The following TRMT11 variants were observed in gnomAD, a reference collection of about 807,000 sequenced individuals.
The protein encoded by TRMT11 is tRNA methyltransferase 11.
Under a neutral mutation model 62.8 loss-of-function variants are expected in TRMT11, and 53 were observed. The ratio of observed to expected loss-of-function variants is 0.84; its 90% confidence interval spans 0.68 to 1.06. The LOEUF is 1.06. Ranked by LOEUF, TRMT11 falls within the 50% of genes least tolerant of loss-of-function variation. TRMT11 has a pLI of 0.00. For missense variants in TRMT11, 556 were observed against 553.4 expected, an observed-to-expected ratio of 1.00 and a Z score of -0.05; for synonymous variants, 188 against 190.3, an observed-to-expected ratio of 0.99 and a Z score of 0.10.
the TRMT11 span, among the ~76,000 whole-genome samples, chr6:126,223,811 G>A: frequency 2.0e-5 from 3 of 152,194 alleles, no homozygotes; most frequent in Admixed American, 6.5e-5. Flanking sequence ...TAGGTTTCAT[G>A]TTTTTACATA....
At chr6:126,212,718 T>C in the TRMT11 span, among the ~76,000 whole-genome samples, 1 of 152,106 alleles carries the variant, frequency 6.6e-6, no homozygotes, top group Non-Finnish European at 1.5e-5. Flanking sequence ...TTTTCTCCCA[T>C]TCTGTGGGTT....
intron 17 of TRMT11, among the ~76,000 whole-genome samples, chr6:126,070,822 A>G (rs1776829436): frequency 6.6e-6 from 1 of 152,160 alleles, no homozygotes; most frequent in African/African-American, 2.4e-5. Context: ...TATTCACCAT[A>G]TTTTTACAGA....
chr6:125,988,665 C>A (rs1171632190), intron 1 of TRMT11, among the ~76,000 whole-genome samples: 1 of 152,076 alleles, frequency 6.6e-6, no homozygotes, highest in African/African-American at 2.4e-5. Flanking sequence ...TTGAAATAGT[C>A]ATTGAGACCA....
Position 126,054,007 on chromosome 6 carries a change from C to T in TRMT11, c.*1437+817C>T, listed in dbSNP as rs1776295463. ...TGTGCCAGGAGCTAAATGCATTAGC[C>T]AAAGAGGAGAAATGAAGCTGGACAG... On this transcript the variant is annotated intron_variant and NMD_transcript_variant, in intron 17 of 22. Transcript: ENST00000648977. Among the ~76,000 whole-genome samples the T allele has an allele frequency of 3.3e-5, 5 of 152,008 alleles. No homozygotes were observed. In the South Asian group the frequency reaches 1.0e-3, roughly 32 times the overall value.
chr6:126,172,983 A>C (rs1237407218), upstream of TRMT11, among the ~76,000 whole-genome samples: 1 of 152,156 alleles, frequency 6.6e-6, no homozygotes, highest in Non-Finnish European at 1.5e-5. Flanking sequence ...GGATGTGTAC[A>C]ATATGTAGGT....
In TRMT11 at chr6:126,021,726, C is replaced by G. The variant is rs182784041; in HGVS notation, c.1260+446C>G. On this transcript the variant is annotated intron_variant, in intron 12 of 12. Transcript: ENST00000334379. ...AGTTTGTTAGGGCCCAACACATTCTCTCTTTGTCTCTCTCTTACATACAAA... is the reference window on the plus strand; with the variant it reads ...AGTTTGTTAGGGCCCAACACATTCTGTCTTTGTCTCTCTCTTACATACAAA... Among the ~76,000 whole-genome samples the G allele has an allele frequency of 3.2e-3, 493 of 152,336 alleles. 3 individuals carry two copies. Among genetic ancestry groups the G allele is most frequent in the African/African-American group, 0.011 (469 of 41,572 alleles).
chr6:126,243,724 T>G, the TRMT11 span, among the ~76,000 whole-genome samples: 1 of 152,036 alleles, frequency 6.6e-6, no homozygotes, highest in Admixed American at 6.6e-5. Context: ...TAGGTGGGAA[T>G]TGAATAATGA....
At chr6:126,117,221 C>T (rs1777599799) in intron 21 of TRMT11, among the ~76,000 whole-genome samples, 1 of 152,082 alleles carries the variant, frequency 6.6e-6, no homozygotes, top group Non-Finnish European at 1.5e-5. Flanking sequence ...GTGTATTCTA[C>T]ACCTCCTGGT....
intron 12 of TRMT11, among the ~76,000 whole-genome samples, chr6:126,024,972 T>A (rs1215976397): frequency 6.6e-6 from 1 of 152,200 alleles, no homozygotes; most frequent in Non-Finnish European, 1.5e-5. Context: ...AAAACAAACA[T>A]TACCTGTAGA....
intron 16 of TRMT11, among the ~76,000 whole-genome samples, chr6:126,052,805 C>G (rs73773350): frequency 0.041 from 6,299 of 152,292 alleles, 429 homozygotes; most frequent in African/African-American, 0.14. Context: ...CTTGTTTTCT[C>G]TCTTAGTTTT....
chr6:126,232,251 A>T, the TRMT11 span, among the ~76,000 whole-genome samples: 1 of 152,016 alleles, frequency 6.6e-6, no homozygotes, highest in Non-Finnish European at 1.5e-5. Context: ...TTCTAAGATG[A>T]CCTGGACTGT....
At chr6:126,008,327 T>C in intron 7 of TRMT11, 65 bp from the exon 8 acceptor site, 1 of 1,342,092 alleles carries the variant, frequency 7.5e-7, no homozygotes, top group South Asian at 1.2e-5. Flanking sequence ...TGGATGAAGT[T>C]AAATAGGAAC....
At chr6:126,121,142 T>C (rs1199534693) in intron 21 of TRMT11, among the ~76,000 whole-genome samples, 1 of 152,146 alleles carries the variant, frequency 6.6e-6, no homozygotes, top group African/African-American at 2.4e-5. Flanking sequence ...TATTAGATTA[T>C]CAATTTCTTA....
intron 18 of TRMT11, among the ~76,000 whole-genome samples, chr6:126,113,753 G>C (rs1263211644): frequency 6.6e-6 from 1 of 151,994 alleles, no homozygotes; most frequent in Admixed American, 6.6e-5. Flanking sequence ...CCCAAAGTAG[G>C]CTCTCAATAT....
intron 21 of TRMT11, among the ~76,000 whole-genome samples, chr6:126,156,555 A>G (rs1778124076): frequency 1.3e-5 from 2 of 152,232 alleles, no homozygotes; most frequent in African/African-American, 4.8e-5. Flanking sequence ...TTGTGTTGCT[A>G]TAAAGAAATA....
chr6:126,188,349 A>C (rs1778550459), intron 1 of TRMT11, among the ~76,000 whole-genome samples: 1 of 152,068 alleles, frequency 6.6e-6, no homozygotes, highest in Non-Finnish European at 1.5e-5. Context: ...AAAAGAAAAT[A>C]ACTGAATGAT....
intron 1 of TRMT11, 151 bp from the exon 2 acceptor site, chr6:125,993,606 T>A: frequency 2.3e-6 from 1 of 431,774 alleles, no homozygotes; most frequent in Non-Finnish European, 4.1e-6. Context: ...TTCTGAACCC[T>A]AAATTGTAAT....
chr6:126,205,881 C>G (rs977378438), downstream of TRMT11, among the ~76,000 whole-genome samples: 29 of 147,210 alleles, frequency 2.0e-4, no homozygotes, highest in Non-Finnish European at 4.5e-5. Context: ...TCAAATATGC[C>G]TGCACATGTG....
intron 17 of TRMT11, among the ~76,000 whole-genome samples, chr6:126,095,862 C>G (rs1488760530): frequency 1.3e-5 from 2 of 152,090 alleles, no homozygotes; most frequent in African/African-American, 4.8e-5. Context: ...TAAGTGGGAT[C>G]AAACATTTCT....
Sources: gnomAD v4.1 joint callset for allele counts (sites outside exome capture counted in the v4.1 genomes callset) on GRCh38, gnomAD v4.1.1 for gene constraint, MANE v1.5 for transcripts, NCBI Gene and HGNC (gene_info 2026-07-23, HGNC 2026-07-21) for gene names.